PRKD2: variants seen among roughly 807,000 people sequenced by gnomAD.
PRKD2 encodes the protein protein kinase D2.
In PRKD2, 22 loss-of-function variants were observed where a neutral mutation model predicts 86.0. That is an observed-to-expected ratio of 0.26 (90% CI 0.18 to 0.37). PRKD2 has a LOEUF of 0.37. Ranked by LOEUF, PRKD2 falls within the 10% of genes least tolerant of loss-of-function variation. The pLI is 1.00. For synonymous variants in PRKD2, 509 were observed against 510.9 expected, an observed-to-expected ratio of 1.00 and a Z score of 0.05; for missense variants, 818 against 1,199.2, an observed-to-expected ratio of 0.68 and a Z score of 4.70.
intron 15 of PRKD2, among the ~76,000 whole-genome samples, chr19:46,679,931 C>T (rs956565067): frequency 2.0e-5 from 3 of 152,046 alleles, no homozygotes; most frequent in African/African-American, 7.2e-5. Flanking sequence ...GGCCCCATAC[C>T]CTCATTGTTA....
chr19:46,689,116 CTTT>C (rs58378541), intron 14 of PRKD2: 17 of 109,892 alleles, frequency 1.5e-4, no homozygotes, highest in African/African-American at 2.8e-4. Context: ...ATTATGGTTC[CTTT>C]TTTTTTTTTT....
At chr19:46,697,407 C>G in intron 8 of PRKD2, 173 bp from the exon 9 acceptor site, 1 of 603,324 alleles carries the variant, frequency 1.7e-6, no homozygotes, top group Non-Finnish European at 2.9e-6. Flanking sequence ...CAGCCCCGCC[C>G]CTAGCCTTAA....
Position 46,697,721 on chromosome 19 carries a change from C to T in PRKD2, c.1239+12G>A. 6.2e-7 allele frequency: 1 copy of T among 1,607,068 alleles called. No homozygotes were observed. The highest frequency in any genetic ancestry group is 1.1e-5 in the South Asian group (1 of 90,836). On this transcript the variant is annotated intron_variant, in intron 8 of 17. Coordinates refer to ENST00000291281, the MANE Select transcript of PRKD2 (RefSeq NM_016457.5). ...TCGCTCCGCCGTACCCGGCCCCGCC[C>T]CGGCCACTCACCAGCGTGTCCTTGT...
chr19:46,705,323 G>A (rs1317804364), intron 3 of PRKD2, among the ~76,000 whole-genome samples: 1 of 151,406 alleles, frequency 6.6e-6, no homozygotes, highest in Non-Finnish European at 1.5e-5. Flanking sequence ...TTTTTCTGAG[G>A]CCCCTTTGGT....
At chr19:46,686,557 T>C (rs2053400644) in intron 14 of PRKD2, among the ~76,000 whole-genome samples, 3 of 150,514 alleles carry the variant, frequency 2.0e-5, no homozygotes, top group African/African-American at 7.4e-5. Flanking sequence ...GAGGCTGAGA[T>C]AGGAGAATTG....
rs199540834 is a variant in PRKD2, at chr19:46,710,898, A to C, written c.511+9T>G. ...CCCCAGGCCCCGCCCCCAACCCTTTAGCTCTCACCATCGCACTTGAGGCCC... is the reference window on the plus strand; with the variant it reads ...CCCCAGGCCCCGCCCCCAACCCTTTCGCTCTCACCATCGCACTTGAGGCCC... On this transcript the variant is annotated intron_variant, in intron 3 of 17. Coordinates refer to ENST00000291281, the MANE Select transcript of PRKD2 (RefSeq NM_016457.5). 6.9e-7 allele frequency: 1 copy of C among 1,441,696 alleles called. No individual in the cohort carries two copies. Among genetic ancestry groups the C allele is most frequent in the African/African-American group, 1.4e-5 (1 of 69,934 alleles). 89.3% of individuals were successfully genotyped at this position (1,441,696 alleles called of 1,614,324 possible).
Position 46,700,909 on chromosome 19 carries a change from C to T in PRKD2, c.1011G>A (p.Lys337=), listed in dbSNP as rs771096041. 6.2e-7 allele frequency: 1 copy of T among 1,614,242 alleles called. No homozygotes were observed. Among genetic ancestry groups the T allele is most frequent in the Admixed American group, 1.7e-5 (1 of 60,034 alleles). Residue 337 remains lysine (K), a synonymous_variant, in exon 7 of 18, where the codon AAG becomes AAA. Transcript: ENST00000291281. ...CCTCTGACTCATCCATGAGGGCGCT[C>T]TTGTCAGCCTCGCTGAAATCGGTGG... ...EEATDFSEAD[K]SALMDESEDS...
At position 46,703,957 on chromosome 19, in the gene PRKD2, C is replaced by CG. The variant is rs2053671235; in HGVS notation, c.889+211_889+212insC. On this transcript the variant is annotated intron_variant, in intron 5 of 17. Coordinates refer to ENST00000291281, the MANE Select transcript of PRKD2 (RefSeq NM_016457.5). ...ACACCCTGTCTCCAAAAAACAACAA[C>CG]AACACACACACACACACACACACAC... 1.0e-4 allele frequency among the ~76,000 whole-genome samples: 4 copies of CG among 39,150 alleles called. No individual in the cohort carries two copies. The South Asian group carries it at 4.1e-3, about 40-fold the overall frequency. The allele number at this position is 39,150 out of a possible 152,430, so 25.7% of individuals were successfully genotyped here. A position where few individuals can be genotyped will look rare whatever the true frequency, so the allele number is the denominator to read the frequency against.
intron 1 of PRKD2, among the ~76,000 whole-genome samples, 182 bp downstream of exon 1, chr19:46,715,949 T>C (rs1242755689): frequency 2.0e-5 from 3 of 152,148 alleles, no homozygotes; most frequent in East Asian, 1.9e-4. Flanking sequence ...CCCTGCCCAG[T>C]CCTCTCTCAA....
intron 14 of PRKD2, among the ~76,000 whole-genome samples, chr19:46,688,585 T>G (rs1431736467): frequency 6.6e-6 from 1 of 151,658 alleles, no homozygotes; most frequent in Admixed American, 6.6e-5. Flanking sequence ...TACAGGTGCC[T>G]GCCACCATGC....
At chr19:46,701,654 TGTG>T (rs1244496973) in intron 5 of PRKD2, among the ~76,000 whole-genome samples, 1 of 102,028 alleles carries the variant, frequency 9.8e-6, no homozygotes, top group Non-Finnish European at 2.1e-5. Flanking sequence ...GCGCCCGACT[TGTG>T]TGTGTGTGTG....
chr19:46,704,542 C>T lies in PRKD2; in HGVS notation c.619G>A (p.Val207Met), dbSNP rs746372258. The stretch of plus-strand genomic sequence containing the variant: ...AGGGACTCGGAGGTGCCGAGGCGCA[C>T]CGAGTGGCCACTGGCCAGAGACGTG... ...SSTSLASGHS[V>M]RLGTSESLPC... The change falls in exon 4 of 18, where the codon GTG (valine) becomes ATG (methionine). Residue 207 changes from valine to methionine, a missense_variant. By Grantham distance (21) the Val-to-Met change is conservative (BLOSUM62 1). Transcript: ENST00000291281. The T allele has an allele frequency of 1.9e-6, 3 of 1,614,138 alleles. No homozygotes were observed. Among genetic ancestry groups the T allele is most frequent in the Non-Finnish European group, 1.7e-6 (2 of 1,180,000 alleles).
At chr19:46,715,670 G>A (rs983602350) in intron 1 of PRKD2, among the ~76,000 whole-genome samples, 1 of 152,158 alleles carries the variant, frequency 6.6e-6, no homozygotes, top group Non-Finnish European at 1.5e-5. Context: ...GCAGAATTGG[G>A]CTCCGAGACC....
intron 16 of PRKD2, 78 bp from the exon 17 acceptor site, chr19:46,675,196 C>G: frequency 7.9e-7 from 1 of 1,265,680 alleles, no homozygotes; most frequent in Non-Finnish European, 1.1e-6. Flanking sequence ...CCTAGCCTAC[C>G]TGCCTGCCAT....
chr19:46,697,879 T>G lies in PRKD2; in HGVS notation c.1122-29A>C, dbSNP rs535332760. The stretch of plus-strand genomic sequence containing the variant: ...CGAAGGAAGAGGAAGGGGTGAGAAG[T>G]CACATGCAGAAAGTGACCATGCTGC... On this transcript the variant is annotated intron_variant, in intron 7 of 17. Transcript: ENST00000291281. 35 of 1,558,392 alleles carry G rather than the reference T, an allele frequency of 2.2e-5. No individual in the cohort carries two copies. The South Asian group carries it at 3.6e-4, about 16-fold the overall frequency.
In PRKD2 at chr19:46,689,740, A is replaced by G. The variant is rs1171717213; in HGVS notation, c.1810-42T>C. ...GGGGTCAGGGCCCAGGTAACCCACAAACTCAGACCCCAACGGGTCAGGTAT... is the reference window on the plus strand; with the variant it reads ...GGGGTCAGGGCCCAGGTAACCCACAGACTCAGACCCCAACGGGTCAGGTAT... On this transcript the variant is annotated intron_variant, in intron 13 of 17. Coordinates refer to ENST00000291281, the MANE Select transcript of PRKD2 (RefSeq NM_016457.5). 3 of 1,610,966 alleles carry G rather than the reference A, an allele frequency of 1.9e-6. No individual in the cohort carries two copies. In the South Asian group the frequency reaches 3.3e-5, roughly 18 times the overall value.
chr19:46,684,333 T>C (rs1031850801), intron 14 of PRKD2, among the ~76,000 whole-genome samples: 7 of 152,038 alleles, frequency 4.6e-5, no homozygotes, highest in African/African-American at 1.2e-4. Context: ...CTCCAGATTG[T>C]TTTTTTGAGA....
rs1599820955 is a variant in PRKD2, at chr19:46,689,807, G to C, written c.1810-109C>G. ...CAAACAAGGAGAAGGATGTCCCTGGGGTATTGGCACTTGGAGAGGGAAGGG... is the reference window on the plus strand; with the variant it reads ...CAAACAAGGAGAAGGATGTCCCTGGCGTATTGGCACTTGGAGAGGGAAGGG... On this transcript the variant is annotated intron_variant, in intron 13 of 17. Transcript: ENST00000291281. 8 of 1,317,728 alleles carry C rather than the reference G, an allele frequency of 6.1e-6. No individual in the cohort carries two copies. The East Asian group carries it at 1.9e-4, about 31-fold the overall frequency. The allele number at this position is 1,317,728 out of a possible 1,614,324, so 81.6% of individuals were successfully genotyped here. A position where few individuals can be genotyped will look rare whatever the true frequency, so the allele number is the denominator to read the frequency against.
At chr19:46,698,200 T>C (rs1353376113) in intron 7 of PRKD2, among the ~76,000 whole-genome samples, 1 of 152,044 alleles carries the variant, frequency 6.6e-6, no homozygotes, top group East Asian at 1.9e-4. Flanking sequence ...TTTTTAGTAG[T>C]GATGAGGTTT....
Sources: gnomAD v4.1 joint callset for allele counts (sites outside exome capture counted in the v4.1 genomes callset) on GRCh38, gnomAD v4.1.1 for gene constraint, MANE v1.5 for transcripts, NCBI Gene and HGNC (gene_info 2026-07-23, HGNC 2026-07-21) for gene names.